Variants in GPATCH1 observed in about 807,000 individuals in gnomAD.
GPATCH1 encodes G patch domain-containing protein 1.
A neutral mutation model predicts 114.9 loss-of-function variants in GPATCH1; 73 were observed. The observed-to-expected ratio is 0.64, with a 90% confidence interval of 0.53 to 0.77. The LOEUF is 0.77. GPATCH1 is among the 30% of genes least tolerant of loss of function. GPATCH1 has a pLI of 0.00. For missense variants in GPATCH1, 1,058 were observed against 1,144.3 expected, an observed-to-expected ratio of 0.92 and a Z score of 1.09; for synonymous variants, 391 against 428.4, an observed-to-expected ratio of 0.91 and a Z score of 1.08.
At chr19:33,081,873 G>GAT (rs1424491717) in intron 1 of GPATCH1, among the ~76,000 whole-genome samples, 8 of 148,030 alleles carry the variant, frequency 5.4e-5, no homozygotes, top group East Asian at 2.0e-4. Flanking sequence ...CACAGGGAGG[G>GAT]ATATATATAT....
intron 15 of GPATCH1, among the ~76,000 whole-genome samples, chr19:33,117,150 C>T (rs1391036664): frequency 1.3e-5 from 2 of 152,096 alleles, no homozygotes; most frequent in African/African-American, 2.4e-5. Context: ...GTGCTATGAT[C>T]GCACCATTGC....
At chr19:33,108,699 T>C (rs1225716189) in intron 10 of GPATCH1, among the ~76,000 whole-genome samples, 1 of 152,116 alleles carries the variant, frequency 6.6e-6, no homozygotes, top group African/African-American at 2.4e-5. Flanking sequence ...TGGGCTTCTT[T>C]CGTGTCTCCA....
chr19:33,114,231 A>G (rs949420031), intron 14 of GPATCH1, 22 bp from the exon 15 acceptor site: 1 of 1,593,380 alleles, frequency 6.3e-7, no homozygotes, highest in African/African-American at 1.4e-5. Context: ...GCTGGAGTTT[A>G]TATCTATGTC....
chr19:33,109,024 G>A (rs1972818754), intron 10 of GPATCH1, among the ~76,000 whole-genome samples: 2 of 151,942 alleles, frequency 1.3e-5, no homozygotes, highest in African/African-American at 4.8e-5. Context: ...GTTGAGACCA[G>A]CTTGGGAAAC....
At position 33,120,636 on chromosome 19, in the gene GPATCH1, G is replaced by A. The variant is rs556191240; in HGVS notation, c.2521+1519G>A. 5.2e-4 allele frequency among the ~76,000 whole-genome samples: 79 copies of A among 151,026 alleles called. 1 individual carries two copies. The South Asian group carries it at 9.9e-3, about 19-fold the overall frequency. ...TTTGGGAGGCCAAGGCAGACAGATC[G>A]CTTGAGCCCAGTAGTCCGAGACAAG... On this transcript the variant is annotated intron_variant, in intron 17 of 19. Coordinates refer to ENST00000170564, the MANE Select transcript of GPATCH1 (RefSeq NM_018025.3).
At chr19:33,102,649 C>G (rs1208989241) in intron 9 of GPATCH1, among the ~76,000 whole-genome samples, 1 of 152,102 alleles carries the variant, frequency 6.6e-6, no homozygotes, top group African/African-American at 2.4e-5. Context: ...CCTGCCTCAG[C>G]CTCCCAAAGT....
At chr19:33,115,199 C>T (rs8111272) in intron 15 of GPATCH1, among the ~76,000 whole-genome samples, 29,404 of 141,618 alleles carry the variant, frequency 0.21, 4,401 homozygotes, top group African/African-American at 0.41. Flanking sequence ...GTTGGGACTG[C>T]GGGCACACAC....
chr19:33,092,317 C>G (rs1972605563), intron 3 of GPATCH1, among the ~76,000 whole-genome samples: 1 of 152,148 alleles, frequency 6.6e-6, no homozygotes. Context: ...TCCCAAAGTG[C>G]TGGGATTACA....
rs773205719 is a variant in GPATCH1 at position 33,118,019 on chromosome 19, G to A, written c.2391G>A (p.Gly797=). The A allele has an allele frequency of 1.9e-6, 3 of 1,612,494 alleles. No individual in the cohort carries two copies. Among genetic ancestry groups the A allele is most frequent in the Admixed American group, 1.7e-5 (1 of 59,950 alleles). ...AAAGCTCCCAAGACACTGACTTGGGGGAAACATCATCTGTGGCTCACGGTA... is the reference window on the plus strand; with the variant it reads ...AAAGCTCCCAAGACACTGACTTGGGAGAAACATCATCTGTGGCTCACGGTA... ...NFQSSQDTDL[G]ETSSVAHALV... Residue 797 remains glycine, a synonymous_variant, in exon 16 of 20, where the codon GGG becomes GGA. Transcript: ENST00000170564.
At chr19:33,090,758 T>G (rs374515150) in intron 2 of GPATCH1, 22 bp from the exon 3 acceptor site, 6 of 1,529,316 alleles carry the variant, frequency 3.9e-6, no homozygotes, top group Non-Finnish European at 5.4e-6. Context: ...GATTGTAAAG[T>G]TCTAAACTCT....
chr19:33,125,016 T>C, intron 17 of GPATCH1, 89 bp from the exon 18 acceptor site: 1 of 1,360,034 alleles, frequency 7.4e-7, no homozygotes, highest in African/African-American at 1.4e-5. Flanking sequence ...CTACACTAGA[T>C]GCCTGATTCA....
intron 7 of GPATCH1, among the ~76,000 whole-genome samples, chr19:33,097,020 A>AG (rs1972669212): frequency 6.7e-6 from 1 of 149,572 alleles, no homozygotes; most frequent in African/African-American, 2.5e-5. Flanking sequence ...ATCTCGGCTC[A>AG]CCGCAACCTC....
At chr19:33,094,478 T>G (rs1349663256) in intron 5 of GPATCH1, among the ~76,000 whole-genome samples, 2 of 152,128 alleles carry the variant, frequency 1.3e-5, no homozygotes, top group Non-Finnish European at 1.5e-5. Flanking sequence ...GCCAGGCTAA[T>G]TTTTTGTATT....
At chr19:33,088,696 G>T (rs1599850194) in intron 2 of GPATCH1, among the ~76,000 whole-genome samples, 1 of 125,540 alleles carries the variant, frequency 8.0e-6, no homozygotes, top group African/African-American at 3.3e-5. Context: ...TTGCACTGTT[G>T]CCCAGGCTGG....
intron 11 of GPATCH1, among the ~76,000 whole-genome samples, chr19:33,111,007 T>TAC (rs1235916837): frequency 1.3e-5 from 2 of 148,842 alleles, no homozygotes; most frequent in Admixed American, 6.7e-5. Context: ...TATATATATA[T>TAC]ACACACATCA....
At position 33,095,889 on chromosome 19, in the gene GPATCH1, G is replaced by T; in HGVS notation, c.612+69G>T. On this transcript the variant is annotated intron_variant, in intron 6 of 19. Transcript: ENST00000170564. The stretch of plus-strand genomic sequence containing the variant: ...CTGTTTCTGTATGACTGTGAAATTT[G>T]GTTGGAGACAATTTTAGAAATCAGA... 4.4e-6 allele frequency: 5 copies of T among 1,127,708 alleles called. No individual in the cohort carries two copies. The South Asian group carries it at 6.2e-5, about 14-fold the overall frequency. 69.9% of individuals were successfully genotyped at this position (1,127,708 alleles called of 1,614,324 possible).
chr19:33,092,768 C>T (rs189239548), intron 3 of GPATCH1, among the ~76,000 whole-genome samples: 22 of 152,322 alleles, frequency 1.4e-4, no homozygotes, highest in East Asian at 5.8e-4. Flanking sequence ...GAGATACTGT[C>T]GAGAAGAACA....
At chr19:33,113,187 TC>T (rs1324995443) in intron 13 of GPATCH1, 1 of 155,760 alleles carries the variant, frequency 6.4e-6, no homozygotes, top group East Asian at 1.9e-4. Flanking sequence ...ACGCCTGTAA[TC>T]CCTGTATTTT....
At position 33,101,512 on chromosome 19, in the gene GPATCH1, C is replaced by T. The variant is rs757583926; in HGVS notation, c.1018C>T (p.Arg340Trp). The change falls in exon 9 of 20, where the codon CGG (arginine) becomes TGG (tryptophan). Residue 340 changes from arginine to tryptophan, a missense_variant. By Grantham distance (101) the Arg-to-Trp change is moderately radical. Around this residue, in one of 3 missense-constraint regions of GPATCH1, gnomAD observed 893 missense variants for 977.4 expected, o/e 0.91. Transcript: ENST00000170564. ...KNQKESEKDL[R>W]YVGKILDGFS... ...TTTTGTAGAATCAGAGAAAGACCTT[C>T]GGTACGTTGGCAAAATTTTGGATGG... 39 of 1,590,208 alleles carry T rather than the reference C, an allele frequency of 2.5e-5. No individual in the cohort carries two copies. The highest frequency in any genetic ancestry group is 1.8e-4 in the East Asian group (8 of 44,790).
Sources: gnomAD v4.1 joint callset for allele counts (sites outside exome capture counted in the v4.1 genomes callset) on GRCh38, gnomAD v4.1.1 for gene constraint, gnomAD v4.1.1 regional missense constraint, MANE v1.5 for transcripts, NCBI Gene and HGNC (gene_info 2026-07-23, HGNC 2026-07-21) for gene names.